Variants in TRIM66 observed in about 807,000 individuals in gnomAD.
The protein encoded by TRIM66 is tripartite motif-containing protein 66.
A neutral mutation model predicts 148.2 loss-of-function variants in TRIM66; 99 were observed. The observed-to-expected ratio is 0.67, with a 90% confidence interval of 0.57 to 0.79. TRIM66 has a LOEUF of 0.79. Ranked by LOEUF, TRIM66 falls within the 30% of genes least tolerant of loss-of-function variation. TRIM66 has a pLI of 0.00. For missense variants in TRIM66, 1,666 were observed against 1,697.9 expected, an observed-to-expected ratio of 0.98 and a Z score of 0.33; for synonymous variants, 616 against 635.9, an observed-to-expected ratio of 0.97 and a Z score of 0.47.
In TRIM66 at chr11:8,625,128, A is replaced by G; in HGVS notation, c.2411T>C (p.Val804Ala). ...ERPLEPQIQS[V>A]SNLTAGAPQA... is the part of the protein sequence containing the mutation. Reference sequence around the variant, plus strand: ...GGGGGCACCAGCTGTCAGGTTGCTCACACTCTGGATCTGTGGCTCTAGGGG... The same window carrying G: ...GGGGGCACCAGCTGTCAGGTTGCTCGCACTCTGGATCTGTGGCTCTAGGGG... The change falls in exon 16 of 25, where the codon GTG becomes GCG. Residue 804 changes from valine (V) to alanine (A), a missense_variant. Transcript: ENST00000646038. 3 of 1,551,544 alleles carry G rather than the reference A, an allele frequency of 1.9e-6. No homozygotes were observed. The South Asian group carries it at 3.6e-5, about 18-fold the overall frequency.
intron 15 of TRIM66, among the ~76,000 whole-genome samples, chr11:8,626,776 G>A (rs368116425): frequency 2.0e-5 from 3 of 152,104 alleles, no homozygotes; most frequent in African/African-American, 7.2e-5. Flanking sequence ...CAAGACTCCC[G>A]AGGCCCTGAT....
At chr11:8,648,932 T>G (rs2037103374) in intron 8 of TRIM66, among the ~76,000 whole-genome samples, 1 of 152,240 alleles carries the variant, frequency 6.6e-6, no homozygotes, top group Admixed American at 6.5e-5. Flanking sequence ...CTTGCCAGGC[T>G]CCAGGCTAGA....
At chr11:8,659,832 A>G (rs529867924) in intron 6 of TRIM66, among the ~76,000 whole-genome samples, 37 of 152,054 alleles carry the variant, frequency 2.4e-4, no homozygotes, top group African/African-American at 8.4e-4. Flanking sequence ...GTCTCCTCCA[A>G]TCATTCTTCT....
intron 6 of TRIM66, among the ~76,000 whole-genome samples, chr11:8,655,444 C>T (rs2037739001): frequency 6.6e-6 from 1 of 152,076 alleles, no homozygotes; most frequent in South Asian, 2.1e-4. Flanking sequence ...CAGGGGAGTA[C>T]AAATTATCCA....
At chr11:8,659,788 C>T (rs1225547791) in intron 6 of TRIM66, among the ~76,000 whole-genome samples, 6 of 152,320 alleles carry the variant, frequency 3.9e-5, no homozygotes, top group East Asian at 3.9e-4. Context: ...TGGACAGCTG[C>T]GGTTGTCCAG....
intron 3 of TRIM66, among the ~76,000 whole-genome samples, chr11:8,677,009 T>C (rs2039208731): frequency 6.6e-6 from 1 of 152,248 alleles, no homozygotes; most frequent in African/African-American, 2.4e-5. Flanking sequence ...CACCTCCTTT[T>C]AACATCTTAC....
At position 8,619,197 on chromosome 11, in the gene TRIM66, T is replaced by G. The variant is rs2033960956; in HGVS notation, c.3900+186A>C. The G allele has an allele frequency of 3.9e-6, 3 of 772,218 alleles. No individual in the cohort carries two copies. In the East Asian group the frequency reaches 8.1e-5, roughly 21 times the overall value. The allele number at this position is 772,218 out of a possible 1,614,324, so 47.8% of individuals were successfully genotyped here. ...GCCACTCACTAGTACCTCCCCTTTTTCCTGAGTCCATGCTAAGGCCTGAGT... is the reference window on the plus strand; with the variant it reads ...GCCACTCACTAGTACCTCCCCTTTTGCCTGAGTCCATGCTAAGGCCTGAGT... On this transcript the variant is annotated intron_variant, in intron 23 of 24. Transcript: ENST00000646038.
At chr11:8,635,126 A>G (rs555381418) in intron 15 of TRIM66, among the ~76,000 whole-genome samples, 7 of 152,328 alleles carry the variant, frequency 4.6e-5, no homozygotes, top group African/African-American at 1.7e-4. Context: ...TGCAGTGCAG[A>G]AAGAGAAGCA....
At chr11:8,665,232 T>C (rs927465051) in intron 6 of TRIM66, among the ~76,000 whole-genome samples, 15 of 152,140 alleles carry the variant, frequency 9.9e-5, no homozygotes, top group Non-Finnish European at 7.4e-5. Flanking sequence ...TCTCCAAACA[T>C]GGCTTCTCAA....
chr11:8,634,467 C>A (rs2035698633), intron 15 of TRIM66, among the ~76,000 whole-genome samples: 1 of 152,234 alleles, frequency 6.6e-6, no homozygotes, highest in Non-Finnish European at 1.5e-5. Context: ...CCACACCCGG[C>A]CAACTCCTTT....
chr11:8,625,369 G>T (rs2034720503), intron 15 of TRIM66, 141 bp from the exon 16 acceptor site: 5 of 1,092,568 alleles, frequency 4.6e-6, no homozygotes, highest in Non-Finnish European at 6.3e-6. Flanking sequence ...TAGCTGCCAG[G>T]AACTCAGGCA....
rs2034166700 is a variant in TRIM66, at chr11:8,621,095, C to T, written c.3482G>A (p.Cys1161Tyr). Residue 1161 changes from cysteine to tyrosine, a missense_variant, in exon 20 of 25, where the codon TGT (cysteine) becomes TAT (tyrosine). This residue lies in a region of TRIM66 where 1,431 missense variants were observed against 1,412.4 expected (regional missense o/e 1.01). Transcript: ENST00000646038. Reference protein sequence around the residue: ...VCLNGGELLCCDRCPKVFHLS... With the variant: ...VCLNGGELLCYDRCPKVFHLS... Reference sequence around the variant, plus strand: ...GTGGAACACTTTGGGGCAGCGGTCACAGCACAGTAACTCTCCGCCATTGAG... The same window carrying T: ...GTGGAACACTTTGGGGCAGCGGTCATAGCACAGTAACTCTCCGCCATTGAG... The T allele has an allele frequency of 1.3e-6, 2 of 1,551,626 alleles. No individual in the cohort carries two copies. The highest frequency in any genetic ancestry group is 2.7e-5 in the African/African-American group (2 of 73,050).
At chr11:8,647,387 A>G (rs1302562734) in intron 10 of TRIM66, among the ~76,000 whole-genome samples, 1 of 152,198 alleles carries the variant, frequency 6.6e-6, no homozygotes, top group Non-Finnish European at 1.5e-5. Context: ...ATGAGTTACC[A>G]AACCTCTATG....
At chr11:8,650,041 C>T (rs114860161) in intron 7 of TRIM66, among the ~76,000 whole-genome samples, 154 bp from the exon 8 acceptor site, 2,355 of 152,160 alleles carry the variant, frequency 0.015, 70 homozygotes, top group African/African-American at 0.054. Flanking sequence ...GAGTAACATG[C>T]CGGGGCTTGT....
intron 3 of TRIM66, among the ~76,000 whole-genome samples, chr11:8,675,457 A>G (rs1412269298): frequency 6.6e-6 from 1 of 152,220 alleles, no homozygotes; most frequent in Non-Finnish European, 1.5e-5. Flanking sequence ...ATCTTGGCTC[A>G]TAGAAACCTC....
intron 15 of TRIM66, among the ~76,000 whole-genome samples, chr11:8,637,635 T>C (rs1234782670): frequency 6.6e-6 from 1 of 152,266 alleles, no homozygotes; most frequent in South Asian, 2.1e-4. Flanking sequence ...GGTACAGAGC[T>C]AGGGAAACTT....
In TRIM66 at chr11:8,612,253, C is replaced by A. The variant is rs1398736718; in HGVS notation, c.*5691G>T. 1 of 152,182 alleles carries A rather than the reference C, an allele frequency of 6.6e-6. No homozygotes were observed. Among genetic ancestry groups the A allele is most frequent in the East Asian group, 1.9e-4 (1 of 5,184 alleles). The allele number at this position is 152,182 out of a possible 1,614,324, so 9.4% of individuals were successfully genotyped here. A position where few individuals can be genotyped will look rare whatever the true frequency, so the allele number is the denominator to read the frequency against. ...CATATGGCTCAGGAAGCAGCACCAG[C>A]TGATAAGAACTTTCCCCAAAGCAGC... On this transcript the variant is annotated 3_prime_UTR_variant, in exon 25 of 25. Transcript: ENST00000646038.
rs2034700453 is a variant in TRIM66 at position 8,625,192 on chromosome 11, T to C, written c.2347A>G (p.Thr783Ala). 3 of 1,524,056 alleles carry C rather than the reference T, an allele frequency of 2.0e-6. No homozygotes were observed. Among genetic ancestry groups the C allele is most frequent in the African/African-American group, 1.4e-5 (1 of 72,462 alleles). The allele number at this position is 1,524,056 out of a possible 1,614,324, so 94.4% of individuals were successfully genotyped here. Residue 783 changes from threonine to alanine, a missense_variant, in exon 16 of 25, where the codon ACT becomes GCT. This residue lies in a region of TRIM66 where 1,431 missense variants were observed against 1,412.4 expected (regional missense o/e 1.01). Transcript: ENST00000646038. The stretch of plus-strand genomic sequence containing the variant: ...GTAGATGACAACTCCATCTCCAGAG[T>C]GTTGGAAAAGCCCATGATGCTCAGC... ...TSLSIMGFSN[T>A]LEMELSSTRL...
In TRIM66 at chr11:8,618,844, ACCT is replaced by A; in HGVS notation, c.4022_4024del (p.Glu1341del). 2 of 1,550,724 alleles carry A rather than the reference ACCT, an allele frequency of 1.3e-6. No homozygotes were observed. Among genetic ancestry groups the A allele is most frequent in the Non-Finnish European group, 1.7e-6 (2 of 1,146,822 alleles). ...AGTGGAACATCCACTCTCACTAGAC[ACCT>A]CCTCGGAGTCTGAGTCCTCCTGCCT... On this transcript the variant is annotated inframe_deletion, in exon 24 of 25. Transcript: ENST00000646038.
Sources: allele counts gnomAD v4.1 joint callset (sites outside exome capture counted in the v4.1 genomes callset), GRCh38; gene constraint gnomAD v4.1.1; regional missense constraint gnomAD v4.1.1; transcripts MANE v1.5; gene names NCBI Gene and HGNC (gene_info 2026-07-23, HGNC 2026-07-21).